Variants in RBFOX1 observed in about 807,000 individuals in gnomAD.
RBFOX1 encodes RNA binding protein fox-1 homolog 1.
A neutral mutation model predicts 57.7 loss-of-function variants in RBFOX1; 8 were observed. The ratio of observed to expected loss-of-function variants is 0.14; its 90% CI spans 0.08 to 0.25. The LOEUF is 0.25. Ranked by LOEUF, RBFOX1 falls within the 10% of genes least tolerant of loss-of-function variation. The probability of loss-of-function intolerance (pLI) is 1.00; values close to 1 mark genes in which losing one functional copy is unlikely to be tolerated. For missense variants in RBFOX1, 611 were observed against 548.5 expected (o/e 1.11, Z -1.14); for synonymous variants, 326 against 222.4 (o/e 1.47, Z -4.15).
chr16:7,089,761 C>G (rs563572973), intron 4 of RBFOX1, among the ~76,000 whole-genome samples: 2 of 152,140 alleles, frequency 1.3e-5, no homozygotes, highest in East Asian at 3.8e-4. Context: ...AGCAGCATCC[C>G]TCAATTTCTA....
intron 3 of RBFOX1, among the ~76,000 whole-genome samples, chr16:6,853,972 T>C (rs1352213615): frequency 6.6e-6 from 1 of 152,120 alleles, no homozygotes; most frequent in African/African-American, 2.4e-5. Flanking sequence ...CAGACAGTCA[T>C]CTCCGTAATG....
At chr16:6,907,849 C>T (rs1202301845) in intron 3 of RBFOX1, among the ~76,000 whole-genome samples, 2 of 151,760 alleles carry the variant, frequency 1.3e-5, no homozygotes, top group South Asian at 2.1e-4. Context: ...GCTGGGATTA[C>T]AGGCATGAGC....
chr16:6,323,892 C>T (rs1294447062), intron 2 of RBFOX1, among the ~76,000 whole-genome samples: 1 of 152,070 alleles, frequency 6.6e-6, no homozygotes, highest in Non-Finnish European at 1.5e-5. Context: ...TGTGCCTCAG[C>T]CTCTCAAGTA....
intron 3 of RBFOX1, among the ~76,000 whole-genome samples, chr16:6,827,182 A>G (rs1336979772): frequency 1.4e-5 from 2 of 146,168 alleles, no homozygotes; most frequent in East Asian, 2.1e-4. Context: ...TTAAAAATAA[A>G]TCCATTGTAT....
chr16:6,463,534 G>A (rs952757568), intron 2 of RBFOX1, among the ~76,000 whole-genome samples: 2 of 152,130 alleles, frequency 1.3e-5, no homozygotes, highest in African/African-American at 4.8e-5. Flanking sequence ...TCGGGGCGGA[G>A]TGTAAGTGGC....
intron 4 of RBFOX1, among the ~76,000 whole-genome samples, chr16:7,496,914 C>A (rs1172386119): frequency 1.3e-5 from 2 of 152,078 alleles, no homozygotes; most frequent in Non-Finnish European, 2.9e-5. Context: ...CATTGGTACC[C>A]ATACAGATGT....
At chr16:7,179,357 A>G (rs192146537) in intron 4 of RBFOX1, among the ~76,000 whole-genome samples, 1 of 152,132 alleles carries the variant, frequency 6.6e-6, no homozygotes, top group East Asian at 1.9e-4. Flanking sequence ...TACCTAAGAG[A>G]ACATAATTCT....
chr16:5,487,437 T>A (rs995118463), intron 2 of RBFOX1, among the ~76,000 whole-genome samples: 8 of 151,984 alleles, frequency 5.3e-5, no homozygotes, highest in African/African-American at 1.9e-4. Context: ...ACAGCACGAG[T>A]TGGCTTTGGG....
intron 11 of RBFOX1, 69 bp downstream of exon 11, chr16:7,630,752 G>A: frequency 6.3e-7 from 1 of 1,595,724 alleles, no homozygotes; most frequent in Non-Finnish European, 8.5e-7. Flanking sequence ...TCCCTGCCAT[G>A]TAAGTTCTCT....
intron 2 of RBFOX1, among the ~76,000 whole-genome samples, chr16:5,565,307 A>T (rs548909635): frequency 7.3e-5 from 11 of 150,602 alleles, no homozygotes; most frequent in African/African-American, 2.5e-4. Context: ...ATGTGCATGC[A>T]TGTGCACATA....
chr16:5,649,413 A>C (rs987413813), intron 3 of RBFOX1, among the ~76,000 whole-genome samples: 25 of 152,202 alleles, frequency 1.6e-4, no homozygotes, highest in African/African-American at 5.1e-4. Flanking sequence ...CAGGTGATCC[A>C]CCTGCCTCGG....
intron 2 of RBFOX1, among the ~76,000 whole-genome samples, chr16:6,372,858 A>C (rs1180435216): frequency 6.7e-6 from 1 of 149,728 alleles, no homozygotes; most frequent in Non-Finnish European, 1.5e-5. Flanking sequence ...GGGTAGGAGT[A>C]CGGTCGGGTG....
At chr16:7,436,852 A>G (rs1380680463) in intron 4 of RBFOX1, among the ~76,000 whole-genome samples, 5 of 152,182 alleles carry the variant, frequency 3.3e-5, no homozygotes, top group African/African-American at 1.2e-4. Flanking sequence ...ATCCTAAGTT[A>G]GGAGTTTGAG....
chr16:6,523,234 G>T (rs1453223433), intron 2 of RBFOX1, among the ~76,000 whole-genome samples: 1 of 152,006 alleles, frequency 6.6e-6, no homozygotes, highest in African/African-American at 2.4e-5. Flanking sequence ...AAGTACTTGG[G>T]AAATACCTGA....
At chr16:7,304,143 G>C (rs2096108828) in intron 4 of RBFOX1, 2 of 927,430 alleles carry the variant, frequency 2.2e-6, no homozygotes, top group Non-Finnish European at 2.6e-6. Flanking sequence ...GGGAGAGCCA[G>C]GGAGGAGGGA....
chr16:5,540,846 T>C (rs1368127933), intron 2 of RBFOX1, among the ~76,000 whole-genome samples: 2 of 152,146 alleles, frequency 1.3e-5, no homozygotes, highest in African/African-American at 4.8e-5. Flanking sequence ...ATCTGCAGTT[T>C]TTTAAATTTA....
chr16:5,982,395 C>T (rs1479131066), intron 4 of RBFOX1, among the ~76,000 whole-genome samples: 2 of 152,132 alleles, frequency 1.3e-5, no homozygotes, highest in Admixed American at 6.5e-5. Flanking sequence ...CTTCCTCAGC[C>T]TCCCAAGTAG....
In RBFOX1 at chr16:7,053,437, T is replaced by A. The variant is rs112645070; in HGVS notation, c.27+1339T>A. Among the ~76,000 whole-genome samples, 776 of 152,318 alleles carry A rather than the reference T, an allele frequency of 5.1e-3. 10 individuals carry two copies. The highest frequency in any genetic ancestry group is 0.018 in the African/African-American group (740 of 41,576). On this transcript the variant is annotated intron_variant, in intron 4 of 15. Coordinates refer to ENST00000550418, the MANE Select transcript of RBFOX1 (RefSeq NM_018723.4). Reference sequence around the variant, plus strand: ...ATTACTGGTTCATCCTGTTAAATAATGTATTACAACTTTAGATTTCTCTTG... The same window carrying A: ...ATTACTGGTTCATCCTGTTAAATAAAGTATTACAACTTTAGATTTCTCTTG...
At chr16:7,369,482 G>A (rs996926357) in intron 4 of RBFOX1, among the ~76,000 whole-genome samples, 1 of 151,992 alleles carries the variant, frequency 6.6e-6, no homozygotes, top group African/African-American at 2.4e-5. Flanking sequence ...TAATAATGAG[G>A]TTTTTAATAA....
Sources: allele counts gnomAD v4.1 joint callset (sites outside exome capture counted in the v4.1 genomes callset), GRCh38; gene constraint gnomAD v4.1.1; transcripts MANE v1.5; gene names NCBI Gene and HGNC (gene_info 2026-07-23, HGNC 2026-07-21).